Variants in CCND2 observed in about 807,000 individuals in gnomAD.
CCND2 encodes G1/S-specific cyclin-D2.
CCND2 carries 6 observed loss-of-function variants against 30.2 expected under a neutral mutation model. The ratio of observed to expected loss-of-function variants is 0.20; its 90% CI spans 0.11 to 0.39. The LOEUF is 0.39. Among genes scored for constraint, CCND2 ranks in the 10% least tolerant of loss-of-function variants. The pLI is 1.00. For missense variants in CCND2, 235 were observed against 373.4 expected (o/e 0.63, Z 3.06); for synonymous variants, 150 against 153.1 (o/e 0.98, Z 0.15).
chr12:4,277,462 C>T (rs1437295257), intron 2 of CCND2, among the ~76,000 whole-genome samples: 1 of 152,190 alleles, frequency 6.6e-6, no homozygotes, highest in Non-Finnish European at 1.5e-5. Context: ...GAATTGGGAA[C>T]CAATTTGTTT....
chr12:4,299,784 T>G lies in CCND2; in HGVS notation c.721-76T>G. 7.2e-7 allele frequency: 1 copy of G among 1,381,974 alleles called. No homozygotes were observed. The highest frequency in any genetic ancestry group is 1.0e-6 in the Non-Finnish European group (1 of 998,374). 85.6% of individuals were successfully genotyped at this position (1,381,974 alleles called of 1,614,324 possible). A position where few individuals can be genotyped will look rare whatever the true frequency, so the allele number is the denominator to read the frequency against. ...TAGCACAGACTTATGCAAGCTAAAT[T>G]ACGCATGTTTTCTCCGTAGGATGCT... On this transcript the variant is annotated intron_variant, in intron 4 of 4. Transcript: ENST00000261254. This position sits in a 1 kb window ranked among gnomAD's most constrained non-coding sequence, Gnocchi z 5.2.
intron 1 of CCND2, 54 bp from the exon 2 acceptor site, chr12:4,275,951 C>T (rs1863867139): frequency 2.9e-6 from 3 of 1,051,780 alleles, no homozygotes; most frequent in Non-Finnish European, 4.1e-6. Context: ...TTCTCTTTTG[C>T]TGATGCTATG....
intron 4 of CCND2, chr12:4,289,295 A>G (rs1864064452): frequency 1.0e-5 from 2 of 200,982 alleles, no homozygotes; most frequent in Non-Finnish European, 2.0e-5. Context: ...TCATTGCCAT[A>G]TTTGTACACG....
intron 4 of CCND2, among the ~76,000 whole-genome samples, chr12:4,290,162 G>A (rs1293324130): frequency 6.6e-6 from 1 of 152,234 alleles, no homozygotes; most frequent in Non-Finnish European, 1.5e-5. Flanking sequence ...AAACCTCAGA[G>A]AGCCCACGGC....
rs1321996026 is a variant in CCND2, at chr12:4,285,963, GTTC to G, written c.572-2874_572-2872del. Among the ~76,000 whole-genome samples the G allele has an allele frequency of 6.6e-6, 1 of 152,096 alleles. No homozygotes were observed. Among genetic ancestry groups the G allele is most frequent in the Non-Finnish European group, 1.5e-5 (1 of 68,014 alleles). On this transcript the variant is annotated intron_variant, in intron 3 of 4. Coordinates refer to ENST00000261254, the MANE Select transcript of CCND2 (RefSeq NM_001759.4). This position sits in a 1 kb window ranked among gnomAD's most constrained non-coding sequence, Gnocchi z 4.1. ...TGATCCATTCTATTGTCTCCTCATT[GTTC>G]TTCTCCTTGGGAGTCATTCCCATTC...
At chr12:4,286,729 G>C (rs573602342) in intron 3 of CCND2, among the ~76,000 whole-genome samples, 1 of 152,254 alleles carries the variant, frequency 6.6e-6, no homozygotes, top group African/African-American at 2.4e-5. Context: ...CGGTGCACCT[G>C]TTCCCCCTAT....
rs1225373472 is a variant in CCND2, at chr12:4,304,001, G to A, written c.*3992G>A. 1.7e-5 allele frequency: 4 copies of A among 233,106 alleles called. No homozygotes were observed. Among genetic ancestry groups the A allele is most frequent in the Admixed American group, 5.6e-5 (1 of 17,768 alleles). 14.4% of individuals were successfully genotyped at this position (233,106 alleles called of 1,614,324 possible). A position where few individuals can be genotyped will look rare whatever the true frequency, so the allele number is the denominator to read the frequency against. ...TTGGCAACTCTTCAGACGGAGCTGCGCTTCCCTGCAGTCTAGCACCTCTAG... is the reference window on the plus strand; with the variant it reads ...TTGGCAACTCTTCAGACGGAGCTGCACTTCCCTGCAGTCTAGCACCTCTAG... On this transcript the variant is annotated 3_prime_UTR_variant, in exon 5 of 5. Coordinates refer to ENST00000261254, the MANE Select transcript of CCND2 (RefSeq NM_001759.4). The surrounding 1 kb of genome is among the most constrained non-coding windows in gnomAD (Gnocchi z 6.2).
At chr12:4,297,932 GAC>G (rs972741208) in intron 4 of CCND2, 1 of 353,220 alleles carries the variant, frequency 2.8e-6, no homozygotes, top group Admixed American at 3.1e-5. Context: ...ACTCTTCCCA[GAC>G]ACACAGTCTT....
At chr12:4,290,295 G>A (rs563803349) in intron 4 of CCND2, among the ~76,000 whole-genome samples, 13 of 152,296 alleles carry the variant, frequency 8.5e-5, no homozygotes, top group South Asian at 6.2e-4. Context: ...GAGATAGTTC[G>A]TAGATATGGT....
chr12:4,299,058 AT>A lies in CCND2; in HGVS notation c.721-791del, dbSNP rs11392498. Among the ~76,000 whole-genome samples, 40 of 149,342 alleles carry A rather than the reference AT, an allele frequency of 2.7e-4. No individual in the cohort carries two copies. The highest frequency in any genetic ancestry group is 6.0e-4 in the Admixed American group (9 of 15,016). ...GGTAAAGAAGCAGAAAAAGTTGGGG[AT>A]TTTTTTTTTTAAGTATTTACAGTGA... On this transcript the variant is annotated intron_variant, in intron 4 of 4. Coordinates refer to ENST00000261254, the MANE Select transcript of CCND2 (RefSeq NM_001759.4). The surrounding 1 kb of genome is among the most constrained non-coding windows in gnomAD (Gnocchi z 5.2).
In CCND2 at chr12:4,289,408, G is replaced by A. The variant is rs150509590; in HGVS notation, c.720+418G>A. Among the ~76,000 whole-genome samples the A allele has an allele frequency of 2.5e-4, 38 of 152,302 alleles. No homozygotes were observed. In the East Asian group the frequency reaches 7.3e-3, roughly 29 times the overall value. On this transcript the variant is annotated intron_variant, in intron 4 of 4. Coordinates refer to ENST00000261254, the MANE Select transcript of CCND2 (RefSeq NM_001759.4). ...GAGAAAGGAGAGCCAGGACTCAGCT[G>A]CAGTGGATGGAGCAGACACACAAGA...
chr12:4,277,922 G>A lies in CCND2; in HGVS notation c.412-838G>A, dbSNP rs186377760. On this transcript the variant is annotated intron_variant, in intron 2 of 4. Coordinates refer to ENST00000261254, the MANE Select transcript of CCND2 (RefSeq NM_001759.4). ...CGTTTCCCTTTGAGCACAGTTTCCC[G>A]TAAGTATCTCAGTGAAAGAGGGAAA... is the stretch of plus-strand genomic sequence containing the variant. Among the ~76,000 whole-genome samples, 19 of 152,336 alleles carry A rather than the reference G, an allele frequency of 1.2e-4. No homozygotes were observed. In the East Asian group the frequency reaches 3.3e-3, roughly 26 times the overall value.
chr12:4,281,228 G>A (rs1863943473), intron 3 of CCND2, among the ~76,000 whole-genome samples: 2 of 152,234 alleles, frequency 1.3e-5, no homozygotes, highest in South Asian at 4.1e-4. Context: ...GGAGGGGCCT[G>A]TATCGAAAGA....
At position 4,299,196 on chromosome 12, in the gene CCND2, C is replaced by T. The variant is rs1721861159; in HGVS notation, c.721-664C>T. ...CCAATATGGTGAAACCCTGTCTGTA[C>T]TAAAAATACAAAAATTAGCCAGGCG... On this transcript the variant is annotated intron_variant, in intron 4 of 4. Coordinates refer to ENST00000261254, the MANE Select transcript of CCND2 (RefSeq NM_001759.4). This position sits in a 1 kb window ranked among gnomAD's most constrained non-coding sequence, Gnocchi z 5.2. Among the ~76,000 whole-genome samples the T allele has an allele frequency of 6.6e-6, 1 of 151,964 alleles. No homozygotes were observed. The highest frequency in any genetic ancestry group is 1.5e-5 in the Non-Finnish European group (1 of 67,986).
intron 4 of CCND2, among the ~76,000 whole-genome samples, chr12:4,294,001 G>A (rs1035824408): frequency 5.3e-5 from 8 of 152,216 alleles, no homozygotes; most frequent in African/African-American, 1.9e-4. Flanking sequence ...GGAAGAATGA[G>A]ATAGTTTCCT....
rs149894061 is a variant in CCND2 at position 4,278,448 on chromosome 12, T to G, written c.412-312T>G. On this transcript the variant is annotated intron_variant, in intron 2 of 4. Transcript: ENST00000261254. ...TTTCTGGGTGGGCGGGAAGCAGTAT[T>G]GCCTGCAAGTCAGGGTTGGGAGGGG... 9.4e-4 allele frequency among the ~76,000 whole-genome samples: 143 copies of G among 152,228 alleles called. 1 individual carries two copies. Among genetic ancestry groups the G allele is most frequent in the African/African-American group, 3.1e-3 (127 of 41,522 alleles).
Position 4,276,998 on chromosome 12 carries a change from C to T in CCND2, c.411+778C>T, listed in dbSNP as rs991723142. Among the ~76,000 whole-genome samples, 3 of 152,198 alleles carry T rather than the reference C, an allele frequency of 2.0e-5. No individual in the cohort carries two copies. Among genetic ancestry groups the T allele is most frequent in the Middle Eastern group, 3.2e-3 (1 of 316 alleles). Reference sequence around the variant, plus strand: ...TCTTTGCACTGTTCAGAAAAGCACCCCCTCCTTCCCGCCCCTCCCCCTCCT... The same window carrying T: ...TCTTTGCACTGTTCAGAAAAGCACCTCCTCCTTCCCGCCCCTCCCCCTCCT... On this transcript the variant is annotated intron_variant, in intron 2 of 4. Coordinates refer to ENST00000261254, the MANE Select transcript of CCND2 (RefSeq NM_001759.4). This position sits in a 1 kb window ranked among gnomAD's most constrained non-coding sequence, Gnocchi z 4.8.
In CCND2 at chr12:4,290,798, A is replaced by T. The variant is rs534824958; in HGVS notation, c.720+1808A>T. On this transcript the variant is annotated intron_variant, in intron 4 of 4. Coordinates refer to ENST00000261254, the MANE Select transcript of CCND2 (RefSeq NM_001759.4). ...CGCAGGCAAGTCAGTCCGTCATCTCATCTGGGGAAACTGTTTGCCTTTTTC... is the reference window on the plus strand; with the variant it reads ...CGCAGGCAAGTCAGTCCGTCATCTCTTCTGGGGAAACTGTTTGCCTTTTTC... Among the ~76,000 whole-genome samples the T allele has an allele frequency of 4.4e-4, 67 of 152,238 alleles. 1 individual carries two copies. In the South Asian group the frequency reaches 0.013, roughly 30 times the overall value.
chr12:4,286,507 CAGCACGG>C (rs2120554066), intron 3 of CCND2, among the ~76,000 whole-genome samples: 1 of 152,314 alleles, frequency 6.6e-6, no homozygotes, highest in African/African-American at 2.4e-5. Flanking sequence ...CAACAGAGGG[CAGCACGG>C]CCGCCGTCCT....
Sources: gnomAD v4.1 joint callset for allele counts (sites outside exome capture counted in the v4.1 genomes callset) on GRCh38, gnomAD v4.1.1 for gene constraint, Gnocchi (gnomAD v3.1) non-coding constraint, MANE v1.5 for transcripts, NCBI Gene and HGNC (gene_info 2026-07-23, HGNC 2026-07-21) for gene names.